HPSE2: variants seen among roughly 807,000 people sequenced by gnomAD.
HPSE2 encodes heparanase 2 (inactive).
A neutral mutation model predicts 60.5 loss-of-function variants in HPSE2; 38 were observed. That is an observed-to-expected ratio of 0.63 (90% CI 0.48 to 0.82). The LOEUF is 0.82. Among genes scored for constraint, HPSE2 ranks in the 40% least tolerant of loss-of-function variants. The pLI is 0.00. For missense variants in HPSE2, 713 were observed against 740.4 expected (o/e 0.96, Z 0.43); for synonymous variants, 295 against 293.2 (o/e 1.01, Z -0.06).
intron 3 of HPSE2, among the ~76,000 whole-genome samples, chr10:98,891,096 T>C (rs113586325): frequency 6.6e-6 from 1 of 152,144 alleles, no homozygotes; most frequent in Non-Finnish European, 1.5e-5. Context: ...TTTTCAGACA[T>C]AGCTTCTATT....
intron 11 of HPSE2, among the ~76,000 whole-genome samples, chr10:98,476,427 T>A (rs1185593422): frequency 1.3e-5 from 2 of 149,824 alleles, no homozygotes; most frequent in Non-Finnish European, 3.0e-5. Context: ...CATATGTAAC[T>A]AACCTGCACA....
chr10:98,892,342 T>A (rs1292416154), intron 3 of HPSE2, among the ~76,000 whole-genome samples: 1 of 152,172 alleles, frequency 6.6e-6, no homozygotes, highest in African/African-American at 2.4e-5. Context: ...CAAAGCCCTA[T>A]CATGATCCCA....
chr10:98,645,614 T>C (rs900147499), intron 6 of HPSE2, among the ~76,000 whole-genome samples: 1 of 152,244 alleles, frequency 6.6e-6, no homozygotes, highest in Non-Finnish European at 1.5e-5. Context: ...CCCACATTTA[T>C]ATTGTACTAT....
At chr10:99,315,685 T>C in the HPSE2 span, among the ~76,000 whole-genome samples, 3 of 152,202 alleles carry the variant, frequency 2.0e-5, no homozygotes, top group African/African-American at 7.2e-5. Context: ...CAACATTTTA[T>C]AACAACTAGG....
chr10:98,856,550 C>G (rs1191710463), intron 3 of HPSE2, among the ~76,000 whole-genome samples: 3 of 151,924 alleles, frequency 2.0e-5, no homozygotes, highest in African/African-American at 7.3e-5. Context: ...TATTAGGGAC[C>G]ATGCAAACCA....
At chr10:98,492,688 C>T (rs1411309592) in intron 9 of HPSE2, among the ~76,000 whole-genome samples, 1 of 152,108 alleles carries the variant, frequency 6.6e-6, no homozygotes, top group Non-Finnish European at 1.5e-5. Context: ...AATGCCATGT[C>T]ACTCTCTAAA....
rs561795003 is a variant in HPSE2, at chr10:98,563,782, T to C, written c.1320+51122A>G. Among the ~76,000 whole-genome samples the C allele has an allele frequency of 2.0e-5, 3 of 152,234 alleles. No homozygotes were observed. In the South Asian group the frequency reaches 6.2e-4, roughly 32 times the overall value. ...GCACAAACATACACAACTAGGGTCATTTTCAATATTCAAGATCGTAGTCTG... is the reference window on the plus strand; with the variant it reads ...GCACAAACATACACAACTAGGGTCACTTTCAATATTCAAGATCGTAGTCTG... On this transcript the variant is annotated intron_variant, in intron 9 of 11. Transcript: ENST00000370552.
At chr10:99,010,931 G>T (rs1347056070) in intron 3 of HPSE2, among the ~76,000 whole-genome samples, 1 of 152,006 alleles carries the variant, frequency 6.6e-6, no homozygotes, top group Non-Finnish European at 1.5e-5. Context: ...ATGGGGGTTT[G>T]CTGTACAGAT....
intron 3 of HPSE2, among the ~76,000 whole-genome samples, chr10:99,007,964 T>C (rs989799660): frequency 1.1e-4 from 16 of 152,184 alleles, no homozygotes; most frequent in African/African-American, 3.4e-4. Context: ...TATGCATAAT[T>C]CCAAGTCACT....
chr10:98,745,371 A>G (rs982957956), intron 3 of HPSE2, among the ~76,000 whole-genome samples: 4 of 152,210 alleles, frequency 2.6e-5, no homozygotes, highest in Admixed American at 2.6e-4. Context: ...TAATCTCTGT[A>G]CTTGCCTGTC....
At chr10:98,701,139 G>C (rs1219061872) in intron 5 of HPSE2, among the ~76,000 whole-genome samples, 1 of 74,034 alleles carries the variant, frequency 1.4e-5, no homozygotes, top group African/African-American at 3.3e-5. Flanking sequence ...CCCATTACTG[G>C]GTATATACCC....
chr10:99,310,695 C>A, the HPSE2 span, among the ~76,000 whole-genome samples: 1 of 152,054 alleles, frequency 6.6e-6, no homozygotes, highest in African/African-American at 2.4e-5. Context: ...GGTGTGATCT[C>A]GACTCACTGC....
intron 3 of HPSE2, among the ~76,000 whole-genome samples, chr10:98,771,414 A>G (rs1950238045): frequency 6.6e-6 from 1 of 152,096 alleles, no homozygotes; most frequent in Non-Finnish European, 1.5e-5. Context: ...CCCTTCCCTA[A>G]TAAGAGGTAG....
At chr10:98,662,550 T>G (rs1459576697) in intron 6 of HPSE2, among the ~76,000 whole-genome samples, 2 of 152,018 alleles carry the variant, frequency 1.3e-5, no homozygotes, top group South Asian at 4.2e-4. Flanking sequence ...TGGGATATAG[T>G]TGAGAGTGAA....
chr10:99,017,154 G>A (rs535319348), intron 3 of HPSE2, among the ~76,000 whole-genome samples: 1 of 152,204 alleles, frequency 6.6e-6, no homozygotes, highest in East Asian at 1.9e-4. Flanking sequence ...GTATGATGAT[G>A]GCTATGGGTT....
rs189741994 is a variant in HPSE2 at position 98,968,236 on chromosome 10, G to A, written c.610+176002C>T. On this transcript the variant is annotated intron_variant, in intron 3 of 11. Transcript: ENST00000370552. ...TGCAAACACCCTAAGCATATGCTTA[G>A]TTCACCTGTGGGCAATTAGCACTGT... 2.6e-5 allele frequency among the ~76,000 whole-genome samples: 4 copies of A among 152,254 alleles called. No homozygotes were observed. In the East Asian group the frequency reaches 7.7e-4, roughly 29 times the overall value.
intron 3 of HPSE2, among the ~76,000 whole-genome samples, chr10:98,912,874 T>C (rs1243069273): frequency 1.3e-5 from 2 of 152,170 alleles, no homozygotes; most frequent in Admixed American, 6.5e-5. Flanking sequence ...TACTATTTGA[T>C]AGCACAACAG....
At chr10:98,687,043 A>AT (rs137879696) in intron 6 of HPSE2, among the ~76,000 whole-genome samples, 3,821 of 151,798 alleles carry the variant, frequency 0.025, 186 homozygotes, top group African/African-American at 0.088. Context: ...GGATTTTTCT[A>AT]TTTTTTTCTC....
At chr10:98,652,830 A>T (rs1946953876) in intron 6 of HPSE2, among the ~76,000 whole-genome samples, 1 of 152,190 alleles carries the variant, frequency 6.6e-6, no homozygotes, top group African/African-American at 2.4e-5. Flanking sequence ...ATTAACTAAG[A>T]TAATAATTAT....
Sources: gnomAD v4.1 joint callset for allele counts (sites outside exome capture counted in the v4.1 genomes callset) on GRCh38, gnomAD v4.1.1 for gene constraint, MANE v1.5 for transcripts, NCBI Gene and HGNC (gene_info 2026-07-23, HGNC 2026-07-21) for gene names.